Variants in GABRB2 observed in about 807,000 individuals in gnomAD.
The protein encoded by GABRB2 is gamma-aminobutyric acid type A receptor subunit beta2.
In GABRB2, 16 loss-of-function variants were observed where a neutral mutation model predicts 54.7. That is an observed-to-expected ratio of 0.29 (90% CI 0.20 to 0.44). The LOEUF is 0.44. GABRB2 is among the 20% of genes least tolerant of loss of function. GABRB2 has a pLI of 1.00. For missense variants in GABRB2, 355 were observed against 644.0 expected, an observed-to-expected ratio of 0.55 and a Z score of 4.86; for synonymous variants, 244 against 233.8, an observed-to-expected ratio of 1.04 and a Z score of -0.40.
At chr5:161,370,564 G>T (rs1755101385) in intron 5 of GABRB2, among the ~76,000 whole-genome samples, 1 of 152,118 alleles carries the variant, frequency 6.6e-6, no homozygotes, top group African/African-American at 2.4e-5. Context: ...TATGGGCTCT[G>T]GATCATCCAA....
intron 9 of GABRB2, among the ~76,000 whole-genome samples, chr5:161,301,377 T>A (rs577313982): frequency 6.6e-6 from 1 of 152,264 alleles, no homozygotes; most frequent in South Asian, 2.1e-4. Context: ...TTCTCTTCAC[T>A]TGAGCAGTGC....
At chr5:161,406,569 A>G (rs1180455662) in intron 5 of GABRB2, among the ~76,000 whole-genome samples, 1 of 152,054 alleles carries the variant, frequency 6.6e-6, no homozygotes, top group Non-Finnish European at 1.5e-5. Flanking sequence ...TTAGATGTCT[A>G]CCATGGACCA....
At chr5:161,471,850 T>A (rs1758449253) in intron 3 of GABRB2, among the ~76,000 whole-genome samples, 1 of 152,018 alleles carries the variant, frequency 6.6e-6, no homozygotes, top group Non-Finnish European at 1.5e-5. Context: ...TCATCTCAAA[T>A]TGCTTTAGAG....
At chr5:161,429,043 GTATGT>G (rs542055577) in intron 4 of GABRB2, among the ~76,000 whole-genome samples, 71 of 151,640 alleles carry the variant, frequency 4.7e-4, no homozygotes, top group South Asian at 3.5e-3. Flanking sequence ...TACCAATAAT[GTATGT>G]TATAAGACCT....
intron 5 of GABRB2, among the ~76,000 whole-genome samples, chr5:161,387,474 G>A (rs1755681463): frequency 6.6e-6 from 1 of 152,106 alleles, no homozygotes; most frequent in African/African-American, 2.4e-5. Flanking sequence ...GTTTATGTGT[G>A]ATATTTTAGC....
chr5:161,497,047 T>G (rs538937783), intron 3 of GABRB2, among the ~76,000 whole-genome samples: 1 of 152,206 alleles, frequency 6.6e-6, no homozygotes, highest in South Asian at 2.1e-4. Flanking sequence ...AGGGGAGACA[T>G]CCCTCATCCT....
At chr5:161,418,337 T>C (rs544029754) in intron 4 of GABRB2, among the ~76,000 whole-genome samples, 1 of 152,338 alleles carries the variant, frequency 6.6e-6, no homozygotes, top group South Asian at 2.1e-4. Flanking sequence ...GTCTCATCTA[T>C]AGGTACTTTG....
intron 8 of GABRB2, chr5:161,329,763 G>A (rs1030387349): frequency 6.6e-6 from 1 of 152,082 alleles, no homozygotes. Flanking sequence ...CTATTTATTG[G>A]TCCAATATTA....
intron 3 of GABRB2, among the ~76,000 whole-genome samples, chr5:161,542,479 T>C (rs73303277): frequency 0.022 from 3,336 of 152,204 alleles, 101 homozygotes; most frequent in African/African-American, 0.068. Flanking sequence ...AATGAATGAG[T>C]AAAGTGAGCC....
chr5:161,504,516 A>G (rs1280653197), intron 3 of GABRB2, among the ~76,000 whole-genome samples: 1 of 152,142 alleles, frequency 6.6e-6, no homozygotes, highest in Non-Finnish European at 1.5e-5. Context: ...TAATAAAACA[A>G]TAATATCTCA....
At chr5:161,456,804 A>G (rs1261923525) in intron 4 of GABRB2, among the ~76,000 whole-genome samples, 1 of 152,226 alleles carries the variant, frequency 6.6e-6, no homozygotes, top group Non-Finnish European at 1.5e-5. Context: ...ATGCAGACCT[A>G]TGGAATACAG....
At chr5:161,486,748 T>C (rs959732963) in intron 3 of GABRB2, among the ~76,000 whole-genome samples, 2 of 151,914 alleles carry the variant, frequency 1.3e-5, no homozygotes, top group African/African-American at 4.8e-5. Flanking sequence ...TCCTCCTCCA[T>C]GGCTGGAGAT....
chr5:161,429,749 C>T (rs1159768960), intron 4 of GABRB2, among the ~76,000 whole-genome samples: 1 of 152,078 alleles, frequency 6.6e-6, no homozygotes, highest in Non-Finnish European at 1.5e-5. Flanking sequence ...GGATTTAAGT[C>T]TAATCAAGGA....
intron 5 of GABRB2, among the ~76,000 whole-genome samples, chr5:161,398,163 G>T (rs1479205422): frequency 6.6e-6 from 1 of 152,100 alleles, no homozygotes; most frequent in Non-Finnish European, 1.5e-5. Context: ...TGTGGCCAGG[G>T]TTATACATTC....
At chr5:161,347,389 T>C (rs1379982405) in intron 5 of GABRB2, among the ~76,000 whole-genome samples, 2 of 152,144 alleles carry the variant, frequency 1.3e-5, no homozygotes, top group Non-Finnish European at 2.9e-5. Context: ...TTTTGAATAA[T>C]TTTGTAAAAT....
intron 4 of GABRB2, among the ~76,000 whole-genome samples, chr5:161,439,264 G>T (rs1461275003): frequency 2.0e-5 from 3 of 152,130 alleles, no homozygotes; most frequent in Non-Finnish European, 4.4e-5. Context: ...AGTGCTGAAA[G>T]AAAATAACTT....
chr5:161,345,493 C>G (rs1322980641), intron 5 of GABRB2, among the ~76,000 whole-genome samples: 1 of 151,980 alleles, frequency 6.6e-6, no homozygotes, highest in African/African-American at 2.4e-5. Flanking sequence ...TTTCAAATCT[C>G]TCATCTTTTG....
intron 5 of GABRB2, among the ~76,000 whole-genome samples, chr5:161,396,568 A>C (rs1388160700): frequency 4.6e-5 from 7 of 152,162 alleles, no homozygotes; most frequent in Admixed American, 3.9e-4. Context: ...CAAGCCTAGT[A>C]AAGTATCAGT....
chr5:161,309,332 G>A (rs1757790721), intron 9 of GABRB2, among the ~76,000 whole-genome samples: 1 of 152,074 alleles, frequency 6.6e-6, no homozygotes, highest in East Asian at 1.9e-4. Context: ...AGTCAGAATG[G>A]TTATTATTAA....
Sources: gnomAD v4.1 joint callset for allele counts (sites outside exome capture counted in the v4.1 genomes callset) on GRCh38, gnomAD v4.1.1 for gene constraint, MANE v1.5 for transcripts, NCBI Gene and HGNC (gene_info 2026-07-23, HGNC 2026-07-21) for gene names.